KCNS3: variants seen among roughly 807,000 people sequenced by gnomAD.
The protein encoded by KCNS3 is delayed-rectifier potassium channel regulatory subunit KCNS3.
A neutral mutation model predicts 31.0 loss-of-function variants in KCNS3; 13 were observed. The observed-to-expected ratio is 0.42, with a 90% CI of 0.27 to 0.67. KCNS3 has a LOEUF of 0.67. KCNS3 is among the 30% of genes least tolerant of loss of function. The pLI is 0.25. For missense variants in KCNS3, 545 were observed against 622.4 expected, an observed-to-expected ratio of 0.88 and a Z score of 1.32; for synonymous variants, 238 against 241.5, an observed-to-expected ratio of 0.99 and a Z score of 0.13.
intron 1 of KCNS3, among the ~76,000 whole-genome samples, chr2:17,890,091 CA>C (rs1309272926): frequency 6.6e-6 from 1 of 152,060 alleles, no homozygotes; most frequent in Non-Finnish European, 1.5e-5. Flanking sequence ...ATTACCATTT[CA>C]ATCTCACTGC....
intron 1 of KCNS3, among the ~76,000 whole-genome samples, chr2:17,890,147 C>G (rs1376263241): frequency 6.6e-6 from 1 of 152,086 alleles, no homozygotes; most frequent in African/African-American, 2.4e-5. Context: ...CTGATTTAAG[C>G]TAGGAATGTT....
chr2:17,888,348 T>C (rs955123701), intron 1 of KCNS3, among the ~76,000 whole-genome samples: 1 of 152,040 alleles, frequency 6.6e-6, no homozygotes, highest in East Asian at 1.9e-4. Flanking sequence ...TAATTTCAGG[T>C]CTTAGGTTTA....
In KCNS3 at chr2:17,932,287, G is replaced by A; in HGVS notation, c.1279G>A (p.Asp427Asn). The A allele has an allele frequency of 6.2e-7, 1 of 1,613,770 alleles. No homozygotes were observed. The highest frequency in any genetic ancestry group is 8.5e-7 in the Non-Finnish European group (1 of 1,179,680). ...CATTGATGTGGACCAGTGCAGTGAG[G>A]ATGCACCAGAGAAGTGTCATGAGCT... The part of the protein sequence containing the change: ...KDIDVDQCSE[D>N]APEKCHELPY... The change falls in exon 3 of 3, where the codon GAT becomes AAT. Residue 427 changes from aspartate to asparagine, a missense_variant. By Grantham distance (23) the Asp-to-Asn change is conservative. Coordinates refer to ENST00000304101, the MANE Select transcript of KCNS3 (RefSeq NM_002252.5).
intron 1 of KCNS3, among the ~76,000 whole-genome samples, chr2:17,888,662 TATATATATATAA>T (rs1558447049): frequency 8.3e-6 from 1 of 120,710 alleles, no homozygotes; most frequent in Non-Finnish European, 1.8e-5. Flanking sequence ...TATATATATA[TATATATATATAA>T]AGAAAAGGGT....
chr2:17,878,705 C>A lies in KCNS3; in HGVS notation c.-353C>A, dbSNP rs1674567216. 1 of 150,366 alleles carries A rather than the reference C, an allele frequency of 6.7e-6. No individual in the cohort carries two copies. Among genetic ancestry groups the A allele is most frequent in the South Asian group, 2.1e-4 (1 of 4,812 alleles). The allele number at this position is 150,366 out of a possible 1,614,324, so 9.3% of individuals were successfully genotyped here. A position where few individuals can be genotyped will look rare whatever the true frequency, so the allele number is the denominator to read the frequency against. Reference sequence around the variant, plus strand: ...CGGGCCACCCCGCTCTCCTCGCCGCCGCGGCGGCAGGCGCGGGGCCGCGCC... The same window carrying A: ...CGGGCCACCCCGCTCTCCTCGCCGCAGCGGCGGCAGGCGCGGGGCCGCGCC... On this transcript the variant is annotated 5_prime_UTR_variant, in exon 1 of 3. Transcript: ENST00000304101.
At chr2:17,883,700 G>T (rs1162894846) in intron 1 of KCNS3, among the ~76,000 whole-genome samples, 1 of 152,188 alleles carries the variant, frequency 6.6e-6, no homozygotes, top group Non-Finnish European at 1.5e-5. Flanking sequence ...AGAGAACAAG[G>T]GTGGGAACAG....
At chr2:17,888,589 T>A (rs1213537586) in intron 1 of KCNS3, among the ~76,000 whole-genome samples, 1 of 142,402 alleles carries the variant, frequency 7.0e-6, no homozygotes, top group Non-Finnish European at 1.5e-5. Context: ...CTGCACGTTG[T>A]GCACATGTAC....
chr2:17,880,468 C>T (rs1429802871), intron 1 of KCNS3, among the ~76,000 whole-genome samples: 7 of 152,168 alleles, frequency 4.6e-5, no homozygotes, highest in Admixed American at 2.6e-4. Flanking sequence ...TTTGTCGTTT[C>T]TGAACTAGGA....
intron 2 of KCNS3, among the ~76,000 whole-genome samples, chr2:17,920,382 C>T (rs749462229): frequency 1.3e-5 from 2 of 152,140 alleles, no homozygotes; most frequent in Non-Finnish European, 2.9e-5. Flanking sequence ...CTTGAAAAGA[C>T]ACAATTTTGA....
upstream of KCNS3, among the ~76,000 whole-genome samples, chr2:17,878,480 A>G (rs1375568993): frequency 6.6e-6 from 1 of 151,476 alleles, no homozygotes; most frequent in Non-Finnish European, 1.5e-5. Flanking sequence ...TGGCGGTCGG[A>G]GCCCCGCAGT....
intron 1 of KCNS3, among the ~76,000 whole-genome samples, chr2:17,883,511 G>A (rs1022634349): frequency 6.6e-6 from 1 of 152,116 alleles, no homozygotes; most frequent in African/African-American, 2.4e-5. Context: ...AGTAACAAGG[G>A]TAGGGAGGCA....
chr2:17,899,854 A>T (rs1411941022), intron 1 of KCNS3, among the ~76,000 whole-genome samples: 3 of 152,216 alleles, frequency 2.0e-5, no homozygotes, highest in Non-Finnish European at 4.4e-5. Flanking sequence ...CTCTTCACAG[A>T]AAGGGCATGA....
chr2:17,893,105 C>T (rs555697974), intron 1 of KCNS3, among the ~76,000 whole-genome samples: 1 of 152,226 alleles, frequency 6.6e-6, no homozygotes, highest in Non-Finnish European at 1.5e-5. Flanking sequence ...CTTGCTGTGG[C>T]TGCTGTGGGG....
At chr2:17,902,266 A>G (rs571693926) in intron 1 of KCNS3, among the ~76,000 whole-genome samples, 29 of 152,288 alleles carry the variant, frequency 1.9e-4, no homozygotes, top group Non-Finnish European at 3.4e-4. Context: ...TGTAGAATAA[A>G]AGGAAGGGTG....
At chr2:17,893,607 T>A (rs535902537) in intron 1 of KCNS3, among the ~76,000 whole-genome samples, 1 of 152,306 alleles carries the variant, frequency 6.6e-6, no homozygotes, top group East Asian at 1.9e-4. Context: ...TTCTGCTGCT[T>A]CCTCTGTATT....
intron 1 of KCNS3, among the ~76,000 whole-genome samples, chr2:17,907,747 G>A (rs1485713773): frequency 6.6e-6 from 1 of 152,106 alleles, no homozygotes; most frequent in Non-Finnish European, 1.5e-5. Context: ...ATGAAATTCT[G>A]GGTTGAAAAT....
chr2:17,897,425 G>C, intron 1 of KCNS3, among the ~76,000 whole-genome samples: 1 of 152,180 alleles, frequency 6.6e-6, no homozygotes, highest in African/African-American at 2.4e-5. Flanking sequence ...CTGCTGAGTT[G>C]AATGGTAGTT....
intron 1 of KCNS3, among the ~76,000 whole-genome samples, chr2:17,912,383 C>G (rs1235584679): frequency 6.6e-6 from 1 of 152,238 alleles, no homozygotes; most frequent in Non-Finnish European, 1.5e-5. Flanking sequence ...GCCCTAGCCT[C>G]TGTCTCCAGC....
chr2:17,883,682 G>A (rs1299016413), intron 1 of KCNS3, among the ~76,000 whole-genome samples: 1 of 152,172 alleles, frequency 6.6e-6, no homozygotes, highest in Non-Finnish European at 1.5e-5. Context: ...TTCTATGCAG[G>A]AACTTCAAGA....
Sources: allele counts gnomAD v4.1 joint callset (sites outside exome capture counted in the v4.1 genomes callset), GRCh38; gene constraint gnomAD v4.1.1; transcripts MANE v1.5; gene names NCBI Gene and HGNC (gene_info 2026-07-23, HGNC 2026-07-21).